NKX1-1: variants seen among roughly 807,000 people sequenced by gnomAD.
The protein encoded by NKX1-1 is NK1 transcription factor-related protein 1.
A neutral mutation model predicts 1.7 loss-of-function variants in NKX1-1; 7 were observed. The ratio of observed to expected loss-of-function variants is 4.22; its 90% CI spans 2.40 to 7.92. The LOEUF is 7.92. NKX1-1 is among the 30% of genes most tolerant of loss of function. The pLI is 0.00. For missense variants in NKX1-1, 453 were observed against 171.5 expected, an observed-to-expected ratio of 2.64 and a Z score of -9.17; for synonymous variants, 242 against 85.3, an observed-to-expected ratio of 2.84 and a Z score of -10.13.
At position 1,403,460 on chromosome 4, in the gene NKX1-1, C is replaced by A. The variant is rs1394457842; in HGVS notation, c.819G>T (p.Pro273=). Residue 273 remains proline (P), a synonymous_variant, in exon 2 of 2, where the codon CCG becomes CCT. Coordinates refer to ENST00000422806, the MANE Select transcript of NKX1-1 (RefSeq NM_001290079.1). The stretch of plus-strand genomic sequence containing the variant: ...GCTTCGCCGCCGTCGCCGTGCCCTG[C>A]GGGGTGGTCCCCGCGCCCCCCGGCG... The part of the protein sequence containing the change: ...AAAPGGAGTT[P]QGTATAAKPK... 23 of 608,664 alleles carry A rather than the reference C, an allele frequency of 3.8e-5. No individual in the cohort carries two copies. The highest frequency in any genetic ancestry group is 6.4e-5 in the Non-Finnish European group (22 of 341,346). 37.7% of individuals were successfully genotyped at this position (608,664 alleles called of 1,614,324 possible).
chr4:1,406,005 G>A lies in NKX1-1; in HGVS notation c.438C>T (p.Val146=), dbSNP rs1720743489. 4.2e-6 allele frequency: 2 copies of A among 474,934 alleles called. No homozygotes were observed. The highest frequency in any genetic ancestry group is 7.3e-6 in the Non-Finnish European group (2 of 274,952). 29.4% of individuals were successfully genotyped at this position (474,934 alleles called of 1,614,324 possible). The change falls in exon 1 of 2, where the codon GTC becomes GTT. Residue 146 remains valine, a synonymous_variant. Coordinates refer to ENST00000422806, the MANE Select transcript of NKX1-1 (RefSeq NM_001290079.1). The part of the protein sequence containing the change: ...ERRALAGAGG[V]GAAGAEPPNA... ...TCGGCGGCTCAGCTCCGGCGGCTCC[G>A]ACTCCCCCGGCGCCGGCGAGGGCGC...
chr4:1,405,655 AC>A, intron 1 of NKX1-1, among the ~76,000 whole-genome samples: 1 of 152,300 alleles, frequency 6.6e-6, no homozygotes, highest in Non-Finnish European at 1.5e-5. Flanking sequence ...CGGGCCAGCC[AC>A]CGCGAGCGGC....
At position 1,403,422 on chromosome 4, in the gene NKX1-1, C is replaced by A. The variant is rs1201432616; in HGVS notation, c.857G>T (p.Arg286Leu). The A allele has an allele frequency of 1.7e-5, 11 of 650,222 alleles. No homozygotes were observed. The highest frequency in any genetic ancestry group is 2.8e-5 in the Non-Finnish European group (10 of 360,270). The allele number at this position is 650,222 out of a possible 1,614,324, so 40.3% of individuals were successfully genotyped here. Residue 286 changes from arginine to leucine, a missense_variant, in exon 2 of 2, where the codon CGC (arginine) becomes CTC (leucine). By Grantham distance (102) the Arg-to-Leu change is moderately radical. Transcript: ENST00000422806. Reference sequence around the variant, plus strand: ...CCCGGACTTGGAGTCGGACCCCGTGCGCTTCCGCTTGGGCTTCGCCGCCGT... The same window carrying A: ...CCCGGACTTGGAGTCGGACCCCGTGAGCTTCCGCTTGGGCTTCGCCGCCGT... Reference protein sequence around the residue: ...TATAAKPKRKRTGSDSKSGKP... With the variant: ...TATAAKPKRKLTGSDSKSGKP...
intron 1 of NKX1-1, 144 bp downstream of exon 1, chr4:1,405,836 G>A (rs1219556326): frequency 5.1e-6 from 2 of 396,030 alleles, no homozygotes; most frequent in African/African-American, 2.1e-5. Flanking sequence ...CGGGTGGGCT[G>A]GTGCGGACCC....
At chr4:1,405,435 C>G (rs1278564871) in intron 1 of NKX1-1, among the ~76,000 whole-genome samples, 1 of 152,268 alleles carries the variant, frequency 6.6e-6, no homozygotes, top group Non-Finnish European at 1.5e-5. Flanking sequence ...GATATCGACC[C>G]GACCGGGGGC....
chr4:1,403,706 G>T lies in NKX1-1; in HGVS notation c.573C>A (p.Pro191=). ...SPSADSGDEV[P]DDEDDDEDEA... ...CGTCCTCGTCGTCGTCCTCGTCGTCGGGAACCTCGTCCCCGCTGTCCGCGC... is the reference window on the plus strand; with the variant it reads ...CGTCCTCGTCGTCGTCCTCGTCGTCTGGAACCTCGTCCCCGCTGTCCGCGC... Residue 191 remains proline, a synonymous_variant, in exon 2 of 2, where the codon CCC becomes CCA. Transcript: ENST00000422806. The T allele has an allele frequency of 1.5e-6, 1 of 686,992 alleles. No homozygotes were observed. The highest frequency in any genetic ancestry group is 1.5e-5 in the South Asian group (1 of 66,212). The allele number at this position is 686,992 out of a possible 1,614,324, so 42.6% of individuals were successfully genotyped here. A position where few individuals can be genotyped will look rare whatever the true frequency, so the allele number is the denominator to read the frequency against.
Position 1,403,819 on chromosome 4 carries a change from C to G in NKX1-1, c.464-4G>C, listed in dbSNP as rs745380506. The G allele has an allele frequency of 3.0e-6, 2 of 663,092 alleles. No individual in the cohort carries two copies. Among genetic ancestry groups the G allele is most frequent in the Admixed American group, 4.4e-5 (2 of 45,490 alleles). The allele number at this position is 663,092 out of a possible 1,614,324, so 41.1% of individuals were successfully genotyped here. A position where few individuals can be genotyped will look rare whatever the true frequency, so the allele number is the denominator to read the frequency against. On this transcript the variant is annotated splice_region_variant and splice_polypyrimidine_tract_variant and intron_variant, in intron 1 of 1. Transcript: ENST00000422806. ...GCCTTGAAGGGGTCGCCGGCGTCTG[C>G]GGGAGGGAGGGACAAGGACAGGGCA...
At chr4:1,403,882 CCG>C in intron 1 of NKX1-1, 67 bp from the exon 2 acceptor site, 1 of 527,980 alleles carries the variant, frequency 1.9e-6, no homozygotes, top group East Asian at 3.5e-5. Context: ...ATCCCGCCCT[CCG>C]CGCGCCCCGC....
At position 1,403,592 on chromosome 4, in the gene NKX1-1, G is replaced by T. The variant is rs1720696513; in HGVS notation, c.687C>A (p.Gly229=). 1 of 472,846 alleles carries T rather than the reference G, an allele frequency of 2.1e-6. No individual in the cohort carries two copies. The highest frequency in any genetic ancestry group is 4.1e-5 in the South Asian group (1 of 24,522). 29.3% of individuals were successfully genotyped at this position (472,846 alleles called of 1,614,324 possible). ...CGGGGGACGCGTCGGTCTCAGCCGC[G>T]CCCTGGCAACCCGACCCGCGGGCCC... ...GLGARGSGCQ[G]AAETDASPGA... Residue 229 remains glycine, a synonymous_variant, in exon 2 of 2, where the codon GGC becomes GGA. Coordinates refer to ENST00000422806, the MANE Select transcript of NKX1-1 (RefSeq NM_001290079.1).
At chr4:1,404,063 C>T (rs958261296) in intron 1 of NKX1-1, among the ~76,000 whole-genome samples, 4 of 152,152 alleles carry the variant, frequency 2.6e-5, no homozygotes, top group Non-Finnish European at 5.9e-5. Flanking sequence ...TGGAGAGGGT[C>T]CCCCTCGCCC....
chr4:1,405,667 C>T (rs1189516258), intron 1 of NKX1-1, among the ~76,000 whole-genome samples: 1 of 152,082 alleles, frequency 6.6e-6, no homozygotes, highest in African/African-American at 2.4e-5. Flanking sequence ...CGCGAGCGGC[C>T]CCTCGCCTCC....
chr4:1,404,064 C>G lies in NKX1-1; in HGVS notation c.464-249G>C, dbSNP rs368893977. 5.9e-4 allele frequency among the ~76,000 whole-genome samples: 90 copies of G among 152,276 alleles called. 1 individual carries two copies. The South Asian group carries it at 0.016, about 27-fold the overall frequency. On this transcript the variant is annotated intron_variant, in intron 1 of 1. Transcript: ENST00000422806. ...CTTGTTTCTTTCTATGGAGAGGGTC[C>G]CCCTCGCCCCGCGCTGCCCGTTCTC...
intron 1 of NKX1-1, 25 bp from the exon 2 acceptor site, chr4:1,403,840 G>C: frequency 1.6e-6 from 1 of 629,320 alleles, no homozygotes; most frequent in Non-Finnish European, 2.8e-6. Flanking sequence ...GACAAGGACA[G>C]GGCAGGGCAG....
chr4:1,406,195 G>T lies in NKX1-1; in HGVS notation c.248C>A (p.Ser83Ter), dbSNP rs1350660623. Residue 83 changes from serine to a stop codon, truncating the protein, a stop_gained, in exon 1 of 2, where the codon TCG (serine) becomes TAG (stop). Coordinates refer to ENST00000422806, the MANE Select transcript of NKX1-1 (RefSeq NM_001290079.1). LOFTEE classifies it high-confidence loss of function. ...GTTGGGGTCCAGGATGTCCAGTACC[G>T]AGAAGGAGGTGGGGCGCAGGGGCGC... ...PAAPLRPTSF[S>*]VLDILDPNKF... is the part of the protein sequence containing the mutation. 3.4e-6 allele frequency: 2 copies of T among 592,352 alleles called. No homozygotes were observed. Among genetic ancestry groups the T allele is most frequent in the East Asian group, 3.5e-5 (1 of 28,470 alleles). The allele number at this position is 592,352 out of a possible 1,614,324, so 36.7% of individuals were successfully genotyped here. A position where few individuals can be genotyped will look rare whatever the true frequency, so the allele number is the denominator to read the frequency against.
At chr4:1,404,856 G>A (rs779603545) in intron 1 of NKX1-1, among the ~76,000 whole-genome samples, 5 of 152,222 alleles carry the variant, frequency 3.3e-5, no homozygotes, top group African/African-American at 7.2e-5. Context: ...CTGGCATGGA[G>A]GCCAGCAGGT....
At chr4:1,405,671 C>G (rs918977135) in intron 1 of NKX1-1, among the ~76,000 whole-genome samples, 1 of 152,324 alleles carries the variant, frequency 6.6e-6, no homozygotes, top group East Asian at 1.9e-4. Context: ...AGCGGCCCCT[C>G]GCCTCCTGCA....
In NKX1-1 at chr4:1,403,164, G is replaced by T. The variant is rs1250609500; in HGVS notation, c.1115C>A (p.Pro372Gln). 3 of 596,652 alleles carry T rather than the reference G, an allele frequency of 5.0e-6. No homozygotes were observed. The highest frequency in any genetic ancestry group is 9.1e-6 in the Non-Finnish European group (3 of 329,590). The allele number at this position is 596,652 out of a possible 1,614,324, so 37.0% of individuals were successfully genotyped here. A position where few individuals can be genotyped will look rare whatever the true frequency, so the allele number is the denominator to read the frequency against. The change falls in exon 2 of 2, where the codon CCG (proline) becomes CAG (glutamine). Residue 372 changes from proline (P) to glutamine (Q), a missense_variant. By Grantham distance (76) the Pro-to-Gln change is moderately conservative. Coordinates refer to ENST00000422806, the MANE Select transcript of NKX1-1 (RefSeq NM_001290079.1). ...CAGCCCCGTGCCAGGCCCGGCCCCC[G>T]GTCCCGGTCCGCCCCCGCCGCCGGT... ...APTGGGGGPG[P>Q]GAGPGTGLPG...
At position 1,403,177 on chromosome 4, in the gene NKX1-1, C is replaced by T; in HGVS notation, c.1102G>A (p.Gly368Ser). 1.6e-6 allele frequency: 1 copy of T among 636,750 alleles called. No homozygotes were observed. The highest frequency in any genetic ancestry group is 1.7e-5 in the South Asian group (1 of 60,182). The allele number at this position is 636,750 out of a possible 1,614,324, so 39.4% of individuals were successfully genotyped here. Residue 368 changes from glycine (G) to serine (S), a missense_variant, in exon 2 of 2, where the codon GGC (glycine) becomes AGC (serine). Gly to Ser is a moderately conservative substitution (Grantham distance 56). Coordinates refer to ENST00000422806, the MANE Select transcript of NKX1-1 (RefSeq NM_001290079.1). ...ADTSAPTGGG[G>S]GPGPGAGPGT... The stretch of plus-strand genomic sequence containing the variant: ...GGCCCGGCCCCCGGTCCCGGTCCGC[C>T]CCCGCCGCCGGTCGGAGCGCTGGTG...
rs1488730744 is a variant in NKX1-1, at chr4:1,403,636, C to G, written c.643G>C (p.Gly215Arg). ...EAARGAEEAR[G>R]GGGGLGARGS... ...CGGGCCCCGAGGCCGCCGCCGCCTCCCCGCGCCTCCTCCGCGCCTCGCGCC... is the reference window on the plus strand; with the variant it reads ...CGGGCCCCGAGGCCGCCGCCGCCTCGCCGCGCCTCCTCCGCGCCTCGCGCC... Residue 215 changes from glycine to arginine, a missense_variant, in exon 2 of 2, where the codon GGA (glycine) becomes CGA (arginine). Coordinates refer to ENST00000422806, the MANE Select transcript of NKX1-1 (RefSeq NM_001290079.1). 1 of 543,976 alleles carries G rather than the reference C, an allele frequency of 1.8e-6. No homozygotes were observed. Among genetic ancestry groups the G allele is most frequent in the Non-Finnish European group, 3.2e-6 (1 of 312,702 alleles). 33.7% of individuals were successfully genotyped at this position (543,976 alleles called of 1,614,324 possible).
Sources: allele counts gnomAD v4.1 joint callset (sites outside exome capture counted in the v4.1 genomes callset), GRCh38; gene constraint gnomAD v4.1.1; transcripts MANE v1.5; gene names NCBI Gene and HGNC (gene_info 2026-07-23, HGNC 2026-07-21).